GPC1: variants seen among roughly 807,000 people sequenced by gnomAD.
GPC1 encodes glypican 1, also known as glypican-1.
GPC1 carries 26 observed loss-of-function variants against 51.5 expected under a neutral mutation model. The ratio of observed to expected loss-of-function variants is 0.50; its 90% CI spans 0.37 to 0.70. The LOEUF is 0.70. GPC1 is among the 30% of genes least tolerant of loss of function. The probability of loss-of-function intolerance (pLI) is 0.00; values close to 1 mark genes in which losing one functional copy is unlikely to be tolerated. For synonymous variants in GPC1, 380 were observed against 348.3 expected, an observed-to-expected ratio of 1.09 and a Z score of -1.01; for missense variants, 775 against 800.5, an observed-to-expected ratio of 0.97 and a Z score of 0.38.
At chr2:240,451,474 C>T in intron 1 of GPC1, 1 of 337,590 alleles carries the variant, frequency 3.0e-6, no homozygotes, top group South Asian at 2.2e-5. Flanking sequence ...CCACAGCCTG[C>T]CTGAATTTCC....
chr2:240,445,210 C>T (rs2151787021), intron 1 of GPC1, among the ~76,000 whole-genome samples: 1 of 152,302 alleles, frequency 6.6e-6, no homozygotes, highest in African/African-American at 2.4e-5. Context: ...AGGTGCCTCC[C>T]TGTTCTATGT....
At chr2:240,453,019 AG>A in intron 1 of GPC1, 3 of 350,716 alleles carry the variant, frequency 8.6e-6, no homozygotes, top group Admixed American at 3.7e-5. Flanking sequence ...GCCGCTGCGA[AG>A]GGGGTCCCGC....
Position 240,462,270 on chromosome 2 carries a change from G to T in GPC1, c.405G>T (p.Thr135=). The T allele has an allele frequency of 6.2e-7, 1 of 1,610,376 alleles. No individual in the cohort carries two copies. ...TFPGAFGELY[T]QNARAFRDLY... ...CCGGCGCCTTCGGAGAGCTGTACAC[G>T]CAGAACGCGAGGGCCTTCCGGGACC... The change falls in exon 3 of 9, where the codon ACG becomes ACT. Residue 135 remains threonine, a synonymous_variant. Coordinates refer to ENST00000264039, the MANE Select transcript of GPC1 (RefSeq NM_002081.3).
Position 240,450,753 on chromosome 2 carries a change from C to A in GPC1, c.167-8277C>A, listed in dbSNP as rs777924706. 40 of 469,562 alleles carry A rather than the reference C, an allele frequency of 8.5e-5. No individual in the cohort carries two copies. The East Asian group carries it at 2.6e-3, about 31-fold the overall frequency. The allele number at this position is 469,562 out of a possible 1,614,324, so 29.1% of individuals were successfully genotyped here. On this transcript the variant is annotated intron_variant, in intron 1 of 8. Transcript: ENST00000264039. ...CTCCAGTGCCAACACTGGGCAGATTCCCCCCGACATCATTTAGACGTGTGC... is the reference window on the plus strand; with the variant it reads ...CTCCAGTGCCAACACTGGGCAGATTACCCCCGACATCATTTAGACGTGTGC...
chr2:240,458,890 C>T (rs1246385999), intron 1 of GPC1, 140 bp from the exon 2 acceptor site: 3 of 693,422 alleles, frequency 4.3e-6, no homozygotes, highest in Admixed American at 5.5e-5. Context: ...TGCCTTCACC[C>T]AGGGCACCCC....
rs2074068107 is a variant in GPC1, at chr2:240,448,472, T to C, written c.167-10558T>C. 7.5e-6 allele frequency among the ~76,000 whole-genome samples: 1 copy of C among 133,914 alleles called. No individual in the cohort carries two copies. Among genetic ancestry groups the C allele is most frequent in the South Asian group, 2.4e-4 (1 of 4,180 alleles). 87.9% of individuals were successfully genotyped at this position (133,914 alleles called of 152,430 possible). A position where few individuals can be genotyped will look rare whatever the true frequency, so the allele number is the denominator to read the frequency against. ...CCAGGAAGTCTGGGTGTAGACGGGG[T>C]GGAGTCAGGACTCCAGGTGCCTGGG... On this transcript the variant is annotated intron_variant, in intron 1 of 8. Coordinates refer to ENST00000264039, the MANE Select transcript of GPC1 (RefSeq NM_002081.3). The surrounding 1 kb of genome is among the most constrained non-coding windows in gnomAD (Gnocchi z 4.5).
At chr2:240,460,025 GCAGCTGCTGCTGGGGCCC>G (rs2074203599) in intron 2 of GPC1, among the ~76,000 whole-genome samples, 1 of 152,106 alleles carries the variant, frequency 6.6e-6, no homozygotes, top group Non-Finnish European at 1.5e-5. Flanking sequence ...GTGAGGGACG[GCAGCTGCTGCTGGGGCCC>G]TGGGGTTTGT....
In GPC1 at chr2:240,448,842, C is replaced by T. The variant is rs1260969341; in HGVS notation, c.167-10188C>T. Reference sequence around the variant, plus strand: ...AGCACCTGGCCAGCAATGGGATAGTCAGGCCAGCGAGGGTGGCCAGGCCTG... The same window carrying T: ...AGCACCTGGCCAGCAATGGGATAGTTAGGCCAGCGAGGGTGGCCAGGCCTG... On this transcript the variant is annotated intron_variant, in intron 1 of 8. Coordinates refer to ENST00000264039, the MANE Select transcript of GPC1 (RefSeq NM_002081.3). This position sits in a 1 kb window ranked among gnomAD's most constrained non-coding sequence, Gnocchi z 4.5. Among the ~76,000 whole-genome samples the T allele has an allele frequency of 2.6e-5, 4 of 152,134 alleles. No homozygotes were observed. Among genetic ancestry groups the T allele is most frequent in the African/African-American group, 9.7e-5 (4 of 41,424 alleles).
intron 1 of GPC1, among the ~76,000 whole-genome samples, chr2:240,439,657 A>C (rs1181093391): frequency 1.3e-5 from 2 of 152,118 alleles, no homozygotes; most frequent in Non-Finnish European, 2.9e-5. Context: ...CATCCCTGAA[A>C]GGGTGTTTCC....
rs377724787 is a variant in GPC1, at chr2:240,463,370, G to A, written c.741G>A (p.Ser247=). The A allele has an allele frequency of 4.5e-5, 73 of 1,612,694 alleles. 1 individual carries two copies. The highest frequency in any genetic ancestry group is 3.3e-4 in the Middle Eastern group (2 of 6,078). Residue 247 remains serine, a synonymous_variant, in exon 4 of 9, where the codon TCG becomes TCA. Transcript: ENST00000264039. Reference sequence around the variant, plus strand: ...AGGTCCCCCTGGGCCCGGAGTGCTCGAGAGCTGTCATGAAGCTGGTCTACT... The same window carrying A: ...AGGTCCCCCTGGGCCCGGAGTGCTCAAGAGCTGTCATGAAGCTGGTCTACT... ...VAQVPLGPEC[S]RAVMKLVYCA... is the part of the protein sequence containing the mutation.
At chr2:240,451,522 C>A in intron 1 of GPC1, 1 of 306,732 alleles carries the variant, frequency 3.3e-6, no homozygotes, top group East Asian at 1.1e-4. Context: ...ATGTGAGTGC[C>A]CTCTTCAGCT....
At chr2:240,463,213 C>T (rs2151796630) in intron 3 of GPC1, 134 bp from the exon 4 acceptor site, 1 of 703,982 alleles carries the variant, frequency 1.4e-6, no homozygotes, top group Admixed American at 2.6e-5. Context: ...CAGCGACCAC[C>T]ACGAGCTGGG....
chr2:240,460,918 G>A (rs1384683869), intron 2 of GPC1, among the ~76,000 whole-genome samples: 2 of 152,194 alleles, frequency 1.3e-5, no homozygotes, highest in Non-Finnish European at 2.9e-5. Context: ...GGAACCAGTG[G>A]GAGGCGGTAG....
chr2:240,441,168 G>A (rs2074014307), intron 1 of GPC1, among the ~76,000 whole-genome samples: 1 of 152,262 alleles, frequency 6.6e-6, no homozygotes, highest in African/African-American at 2.4e-5. Flanking sequence ...AGCAGGACGG[G>A]GGGCATACCT....
chr2:240,438,127 G>A (rs1446931070), intron 1 of GPC1, among the ~76,000 whole-genome samples: 1 of 152,236 alleles, frequency 6.6e-6, no homozygotes, highest in Non-Finnish European at 1.5e-5. Flanking sequence ...CACGGTGCCA[G>A]CCATGGGCCA....
Position 240,459,219 on chromosome 2 carries a change from G to A in GPC1, c.325+31G>A, listed in dbSNP as rs149177748. 217 of 1,596,624 alleles carry A rather than the reference G, an allele frequency of 1.4e-4. No homozygotes were observed. In the African/African-American group the frequency reaches 2.4e-3, roughly 18 times the overall value. ...TGCCTCCCACGGGCGCTCGGGGCCC[G>A]CAGGGTGCCGGTGCATCGGGGGAGG... On this transcript the variant is annotated intron_variant, in intron 2 of 8. Coordinates refer to ENST00000264039, the MANE Select transcript of GPC1 (RefSeq NM_002081.3).
intron 1 of GPC1, chr2:240,458,343 C>A (rs930078161): frequency 7.3e-6 from 2 of 273,296 alleles, no homozygotes; most frequent in East Asian, 1.6e-4. Context: ...GTCACTGCCT[C>A]GGACGCTGGA....
intron 1 of GPC1, among the ~76,000 whole-genome samples, chr2:240,446,749 G>A (rs1247007849): frequency 2.0e-5 from 3 of 152,172 alleles, no homozygotes; most frequent in Non-Finnish European, 4.4e-5. Flanking sequence ...CTGGAGCACT[G>A]GGGGCCAGCT....
intron 1 of GPC1, among the ~76,000 whole-genome samples, chr2:240,454,250 G>C (rs1040911978): frequency 5.9e-5 from 9 of 152,086 alleles, no homozygotes; most frequent in Non-Finnish European, 1.2e-4. Flanking sequence ...GGCCAGGGGC[G>C]CAGGCTTCTT....
Sources: allele counts gnomAD v4.1 joint callset (sites outside exome capture counted in the v4.1 genomes callset), GRCh38; gene constraint gnomAD v4.1.1; non-coding constraint Gnocchi (gnomAD v3.1); transcripts MANE v1.5; gene names NCBI Gene and HGNC (gene_info 2026-07-23, HGNC 2026-07-21).